The following FABP12 variants were observed in gnomAD, a reference collection of about 807,000 sequenced individuals.
FABP12 encodes the protein fatty acid-binding protein 12.
FABP12 carries 19 observed loss-of-function variants against 13.7 expected under a neutral mutation model. That is an observed-to-expected ratio of 1.39 (90% CI 0.97 to 2.04). The LOEUF (loss-of-function observed/expected upper bound fraction) is 2.04, where lower values mean the gene tolerates loss of function less well. Ranked by LOEUF, FABP12 falls within the 30% of genes most tolerant of loss-of-function variation. FABP12 has a pLI of 0.00. For synonymous variants in FABP12, 61 were observed against 57.0 expected (o/e 1.07, Z -0.32); for missense variants, 182 against 164.2 (o/e 1.11, Z -0.59).
exon 4 of FABP12, chr8:81,527,115 C>A (rs748244972): frequency 6.3e-6 from 10 of 1,593,442 alleles, no homozygotes; most frequent in Non-Finnish European, 8.6e-6. Context: ...TCTAAGGTTA[C>A]TTTACTCTGA....
intron 1 of FABP12, among the ~76,000 whole-genome samples, chr8:81,579,891 T>C (rs1352855745): frequency 6.6e-6 from 1 of 152,230 alleles, no homozygotes; most frequent in Non-Finnish European, 1.5e-5. Flanking sequence ...TCTTTCTTTT[T>C]TACCTAATGA....
At chr8:81,543,033 A>T (rs1336012749) in intron 1 of FABP12, among the ~76,000 whole-genome samples, 2 of 152,202 alleles carry the variant, frequency 1.3e-5, no homozygotes, top group Admixed American at 1.3e-4. Flanking sequence ...TGTTCTATCA[A>T]AAGCTTTATA....
At chr8:81,546,769 T>G (rs937333777) in intron 1 of FABP12, among the ~76,000 whole-genome samples, 2 of 152,022 alleles carry the variant, frequency 1.3e-5, no homozygotes, top group African/African-American at 4.8e-5. Context: ...CCAAGAAAAC[T>G]TCTGTGATAA....
chr8:81,564,729 A>G (rs1188630081), intron 1 of FABP12, among the ~76,000 whole-genome samples: 1 of 152,080 alleles, frequency 6.6e-6, no homozygotes, highest in African/African-American at 2.4e-5. Flanking sequence ...AGATACAACC[A>G]TAGAAAATCA....
intron 1 of FABP12, among the ~76,000 whole-genome samples, chr8:81,555,938 G>T (rs1337449702): frequency 6.6e-6 from 1 of 152,034 alleles, no homozygotes; most frequent in African/African-American, 2.4e-5. Flanking sequence ...TTGCTAGAAT[G>T]AATTCATGAA....
At chr8:81,589,815 GTC>G (rs1240969476) in intron 1 of FABP12, among the ~76,000 whole-genome samples, 4 of 152,268 alleles carry the variant, frequency 2.6e-5, no homozygotes, top group Admixed American at 2.6e-4. Context: ...GCTCTGAGTG[GTC>G]TCTCTCTAGT....
rs533556811 is a variant in FABP12 at position 81,529,290 on chromosome 8, C to G, written c.246+148G>C. ...CACAAGCATCCCAGAAGATTTGTAT[C>G]TTCACATTGACATCCTTAGACCTAT... On this transcript the variant is annotated intron_variant, in intron 3 of 4. Transcript: ENST00000360464. 2.6e-4 allele frequency: 195 copies of G among 748,980 alleles called. 2 individuals carry two copies. The African/African-American group carries it at 4.6e-3, about 18-fold the overall frequency. The allele number at this position is 748,980 out of a possible 1,614,324, so 46.4% of individuals were successfully genotyped here.
intron 1 of FABP12, among the ~76,000 whole-genome samples, chr8:81,550,645 T>G (rs868176615): frequency 2.2e-4 from 33 of 152,118 alleles, no homozygotes; most frequent in Non-Finnish European, 4.0e-4. Context: ...AAGGAAGGAA[T>G]TTTTTAAAAA....
chr8:81,555,594 GTTAT>G (rs1176051470), intron 1 of FABP12, among the ~76,000 whole-genome samples: 1 of 152,136 alleles, frequency 6.6e-6, no homozygotes, highest in Non-Finnish European at 1.5e-5. Flanking sequence ...TCTTTTGATG[GTTAT>G]TTAAAGTCTT....
chr8:81,584,470 A>G (rs1810212468), intron 1 of FABP12, among the ~76,000 whole-genome samples: 1 of 152,236 alleles, frequency 6.6e-6, no homozygotes, highest in Admixed American at 6.5e-5. Flanking sequence ...CAGTTTTTAC[A>G]ACAGGCAAAT....
At chr8:81,525,927 T>G (rs1808888858) in intron 4 of FABP12, 1 of 152,208 alleles carries the variant, frequency 6.6e-6, no homozygotes, top group Non-Finnish European at 1.5e-5. Flanking sequence ...GCAAGGAATC[T>G]GAATCTTGAA....
At chr8:81,549,897 C>T (rs1183104455) in intron 1 of FABP12, among the ~76,000 whole-genome samples, 1 of 152,190 alleles carries the variant, frequency 6.6e-6, no homozygotes, top group Non-Finnish European at 1.5e-5. Flanking sequence ...TCACATACAT[C>T]TTTTGTCCCC....
At chr8:81,577,796 G>A (rs1443815207) in intron 1 of FABP12, among the ~76,000 whole-genome samples, 1 of 152,010 alleles carries the variant, frequency 6.6e-6, no homozygotes, top group Admixed American at 6.6e-5. Context: ...GGTCTTTCAG[G>A]GACACAATTT....
intron 1 of FABP12, among the ~76,000 whole-genome samples, chr8:81,574,428 G>GTCC (rs749730317): frequency 6.6e-6 from 1 of 151,712 alleles, no homozygotes; most frequent in Non-Finnish European, 1.5e-5. Context: ...TTTTGTTTGT[G>GTCC]TCCTTTCCTG....
upstream of FABP12, among the ~76,000 whole-genome samples, chr8:81,535,986 T>A (rs1809212302): frequency 6.6e-6 from 1 of 152,208 alleles, no homozygotes; most frequent in South Asian, 2.1e-4. Context: ...GTTATTTTAA[T>A]CATCTCCATA....
chr8:81,550,188 C>T (rs1422966869), intron 1 of FABP12, among the ~76,000 whole-genome samples: 4 of 152,148 alleles, frequency 2.6e-5, no homozygotes, highest in African/African-American at 9.7e-5. Context: ...TACCTTAAAT[C>T]CCACACAGTG....
intron 1 of FABP12, among the ~76,000 whole-genome samples, chr8:81,542,975 T>C (rs911455385): frequency 6.6e-6 from 1 of 152,210 alleles, no homozygotes; most frequent in East Asian, 1.9e-4. Context: ...AAAGGCAACC[T>C]GTGCTCTAAG....
At chr8:81,587,790 A>C (rs570075605) in intron 1 of FABP12, among the ~76,000 whole-genome samples, 1 of 152,130 alleles carries the variant, frequency 6.6e-6, no homozygotes, top group Non-Finnish European at 1.5e-5. Context: ...TATATAAATA[A>C]ACGGGAGTTT....
chr8:81,540,749 A>T (rs565365904), intron 1 of FABP12, among the ~76,000 whole-genome samples: 1 of 152,362 alleles, frequency 6.6e-6, no homozygotes, highest in Admixed American at 6.5e-5. Flanking sequence ...AGCAATGTTC[A>T]TTTATTGGTT....
Sources: allele counts gnomAD v4.1 joint callset (sites outside exome capture counted in the v4.1 genomes callset), GRCh38; gene constraint gnomAD v4.1.1; transcripts MANE v1.5; gene names NCBI Gene and HGNC (gene_info 2026-07-23, HGNC 2026-07-21).